IFIH1: variants seen among roughly 807,000 people sequenced by gnomAD.
IFIH1 encodes the protein interferon-induced helicase C domain-containing protein 1.
A neutral mutation model predicts 107.4 loss-of-function variants in IFIH1; 125 were observed. The observed-to-expected ratio is 1.16, with a 90% CI of 1.01 to 1.35. The LOEUF (loss-of-function observed/expected upper bound fraction) is 1.35, where lower values mean the gene tolerates loss of function less well. Among genes scored for constraint, IFIH1 ranks in the 40% most tolerant of loss-of-function variants. The pLI is 0.00. For missense variants in IFIH1, 1,333 were observed against 1,213.7 expected, an observed-to-expected ratio of 1.10 and a Z score of -1.46; for synonymous variants, 458 against 413.2, an observed-to-expected ratio of 1.11 and a Z score of -1.31.
At chr2:162,286,564 G>A (rs952575706) in intron 5 of IFIH1, among the ~76,000 whole-genome samples, 2 of 151,900 alleles carry the variant, frequency 1.3e-5, no homozygotes, top group Non-Finnish European at 2.9e-5. Flanking sequence ...CTAGGTGTGG[G>A]GGCTGCATGC....
At chr2:162,313,895 G>A (rs1277142589) in intron 1 of IFIH1, among the ~76,000 whole-genome samples, 2 of 152,012 alleles carry the variant, frequency 1.3e-5, no homozygotes. Flanking sequence ...AGATTGACTT[G>A]GGTGCTCAAC....
intron 3 of IFIH1, among the ~76,000 whole-genome samples, chr2:162,301,878 A>G (rs1280258768): frequency 6.6e-6 from 1 of 152,190 alleles, no homozygotes; most frequent in Admixed American, 6.5e-5. Flanking sequence ...CCAGCATTAA[A>G]TTGCCATTAA....
chr2:162,291,258 G>C (rs1315979831), intron 4 of IFIH1, among the ~76,000 whole-genome samples: 11 of 151,734 alleles, frequency 7.2e-5, no homozygotes, highest in Admixed American at 3.3e-4. Flanking sequence ...CATTGATTTT[G>C]ACAGCTGAGT....
chr2:162,310,548 G>A (rs889202620), intron 2 of IFIH1: 9 of 560,200 alleles, frequency 1.6e-5, no homozygotes, highest in Non-Finnish European at 2.8e-5. Context: ...AAAGAGTGTT[G>A]GTTGGATGAA....
intron 5 of IFIH1, among the ~76,000 whole-genome samples, chr2:162,282,908 C>G (rs1028344987): frequency 2.0e-5 from 3 of 150,480 alleles, no homozygotes; most frequent in African/African-American, 7.3e-5. Context: ...CACCTAGAAA[C>G]ACACACAAAG....
chr2:162,301,539 T>C (rs1265106108), intron 3 of IFIH1, among the ~76,000 whole-genome samples: 1 of 152,216 alleles, frequency 6.6e-6, no homozygotes, highest in African/African-American at 2.4e-5. Flanking sequence ...CTTAATTTCC[T>C]TTGATTTTAT....
intron 3 of IFIH1, among the ~76,000 whole-genome samples, chr2:162,295,553 G>C (rs1683072039): frequency 1.3e-5 from 2 of 151,912 alleles, no homozygotes; most frequent in Admixed American, 1.3e-4. Flanking sequence ...TAAGAAATTT[G>C]TAGAAAAATT....
At chr2:162,306,311 C>G (rs1007019079) in intron 3 of IFIH1, among the ~76,000 whole-genome samples, 2 of 152,146 alleles carry the variant, frequency 1.3e-5, no homozygotes, top group Non-Finnish European at 2.9e-5. Context: ...TTGAACCTCT[C>G]TGAGCCATCC....
chr2:162,309,055 C>T (rs79503878), intron 2 of IFIH1, among the ~76,000 whole-genome samples: 280 of 152,288 alleles, frequency 1.8e-3, no homozygotes, highest in African/African-American at 6.3e-3. Flanking sequence ...GGATGGACGT[C>T]TTATTCCAAA....
At chr2:162,311,703 A>C (rs1300529764) in intron 1 of IFIH1, among the ~76,000 whole-genome samples, 1 of 152,112 alleles carries the variant, frequency 6.6e-6, no homozygotes, top group Non-Finnish European at 1.5e-5. Flanking sequence ...TATAGCAATA[A>C]GGATTTGGAG....
At chr2:162,308,902 C>T (rs1405585468) in intron 2 of IFIH1, among the ~76,000 whole-genome samples, 2 of 152,184 alleles carry the variant, frequency 1.3e-5, no homozygotes, top group Non-Finnish European at 2.9e-5. Context: ...AGTCAAAAGT[C>T]TCACCTAAAC....
rs1682718875 is a variant in IFIH1, at chr2:162,277,531, T to C, written c.1928A>G (p.Asp643Gly). The C allele has an allele frequency of 6.3e-7, 1 of 1,591,386 alleles. No homozygotes were observed. The highest frequency in any genetic ancestry group is 8.6e-7 in the Non-Finnish European group (1 of 1,159,714). Residue 643 changes from aspartate to glycine, a missense_variant, in exon 10 of 16, where the codon GAT becomes GGT. Asp to Gly is a moderately conservative substitution (Grantham distance 94, BLOSUM62 -1). Coordinates refer to ENST00000649979, the MANE Select transcript of IFIH1 (RefSeq NM_022168.4). The part of the protein sequence containing the change: ...EKDKKFAVIE[D>G]DSDEGGDDEY... ...ATCATCACCACCCTCATCACTATCA[T>C]CTTCTATGACTGCAAACTTCTTATC...
chr2:162,299,106 C>T (rs901580329), intron 3 of IFIH1, among the ~76,000 whole-genome samples: 2 of 152,184 alleles, frequency 1.3e-5, no homozygotes, highest in African/African-American at 2.4e-5. Flanking sequence ...GCCCTTTAGC[C>T]TTTGCACTTA....
intron 2 of IFIH1, among the ~76,000 whole-genome samples, chr2:162,307,585 G>T (rs946874854): frequency 1.3e-5 from 2 of 152,094 alleles, no homozygotes; most frequent in African/African-American, 4.8e-5. Context: ...GGGCTTATGT[G>T]GGTTAAAAAG....
In IFIH1 at chr2:162,312,300, A is replaced by G. The variant is rs186383874; in HGVS notation, c.454-1367T>C. On this transcript the variant is annotated intron_variant, in intron 1 of 15. Coordinates refer to ENST00000649979, the MANE Select transcript of IFIH1 (RefSeq NM_022168.4). ...ACAGCATGGTCTCTACCCAAGGGAT[A>G]TTTCCGTCTTAGCATCTAGTAGTTA... 4.4e-3 allele frequency among the ~76,000 whole-genome samples: 664 copies of G among 152,280 alleles called. 7 individuals are homozygous for G. The highest frequency in any genetic ancestry group is 0.015 in the African/African-American group (630 of 41,558).
chr2:162,267,627 G>C (rs1690952122), intron 14 of IFIH1, 58 bp from the exon 15 acceptor site: 19 of 1,240,726 alleles, frequency 1.5e-5, no homozygotes, highest in Non-Finnish European at 2.1e-5. Context: ...CCAGTGTGTA[G>C]TTCATGGGTT....
rs1490297353 is a variant in IFIH1, at chr2:162,267,567, T to C, written c.2810A>G (p.Glu937Gly). Residue 937 changes from glutamate to glycine, a missense_variant and splice_region_variant, in exon 15 of 16, where the codon GAA becomes GGA. By Grantham distance (98) the Glu-to-Gly change is moderately conservative (BLOSUM62 -2). Transcript: ENST00000649979. ...TTTGTTTTCTCTTACAATGTAAAGT[T>C]CCCTATAAGTATCAAAGGGAAAGAA... ...HHVNMTPEFKELYIVRENKAL... is the reference protein window; with the variant it reads ...HHVNMTPEFKGLYIVRENKAL... The C allele has an allele frequency of 3.1e-6, 5 of 1,594,900 alleles. No individual in the cohort carries two copies. In the South Asian group the frequency reaches 4.4e-5, roughly 14 times the overall value.
At chr2:162,277,883 T>C (rs762393305) in intron 9 of IFIH1, among the ~76,000 whole-genome samples, 190 bp from the exon 10 acceptor site, 2 of 152,150 alleles carry the variant, frequency 1.3e-5, no homozygotes, top group Non-Finnish European at 2.9e-5. Context: ...GACTTGCTGC[T>C]TGAGTTCTGC....
At chr2:162,276,972 T>C (rs1180315299) in intron 10 of IFIH1, 26 bp from the exon 11 acceptor site, 59 of 1,555,228 alleles carry the variant, frequency 3.8e-5, no homozygotes, top group Non-Finnish European at 5.0e-5. Context: ...AGAGTTGATA[T>C]GTTAACAAGC....
Sources: gnomAD v4.1 joint callset for allele counts (sites outside exome capture counted in the v4.1 genomes callset) on GRCh38, gnomAD v4.1.1 for gene constraint, MANE v1.5 for transcripts, NCBI Gene and HGNC (gene_info 2026-07-23, HGNC 2026-07-21) for gene names.